Variants in KIF6 observed in about 807,000 individuals in gnomAD.
KIF6 encodes kinesin-like protein KIF6.
In KIF6, 106 loss-of-function variants were observed where a neutral mutation model predicts 112.7. The ratio of observed to expected loss-of-function variants is 0.94; its 90% confidence interval spans 0.80 to 1.11. The LOEUF is 1.11. Among genes scored for constraint, KIF6 ranks in the 50% least tolerant of loss-of-function variants. KIF6 has a pLI of 0.00. For missense variants in KIF6, 929 were observed against 964.0 expected (o/e 0.96, Z 0.48); for synonymous variants, 339 against 339.9 (o/e 1.00, Z 0.03).
At chr6:39,551,632 CATA>C (rs1463921441) in intron 10 of KIF6, among the ~76,000 whole-genome samples, 1 of 151,558 alleles carries the variant, frequency 6.6e-6, no homozygotes, top group Non-Finnish European at 1.5e-5. Flanking sequence ...AATATATATC[CATA>C]ATATTAAAAA....
At chr6:39,346,300 A>G (rs1581633443) in intron 20 of KIF6, 176 bp downstream of exon 20, 2 of 694,536 alleles carry the variant, frequency 2.9e-6, no homozygotes, top group East Asian at 2.7e-5. Context: ...CTAATCTCCA[A>G]TGTAATGGTA....
chr6:39,385,146 A>G (rs1213008433), intron 16 of KIF6, among the ~76,000 whole-genome samples: 1 of 152,206 alleles, frequency 6.6e-6, no homozygotes, highest in Non-Finnish European at 1.5e-5. Context: ...AAGGCACTGC[A>G]TCTCCCCCAT....
At chr6:39,509,594 C>T (rs1268847754) in intron 13 of KIF6, among the ~76,000 whole-genome samples, 6 of 152,140 alleles carry the variant, frequency 3.9e-5, no homozygotes, top group South Asian at 4.2e-4. Flanking sequence ...ACACAAGCTT[C>T]AATAGCTGAT....
intron 13 of KIF6, among the ~76,000 whole-genome samples, chr6:39,507,522 T>C (rs1480037134): frequency 6.6e-6 from 1 of 152,070 alleles, no homozygotes; most frequent in Non-Finnish European, 1.5e-5. Context: ...ATGGGACATA[T>C]GCAACCTGGG....
At chr6:39,688,530 G>A (rs1332338270) in intron 3 of KIF6, among the ~76,000 whole-genome samples, 1 of 151,634 alleles carries the variant, frequency 6.6e-6, no homozygotes, top group Non-Finnish European at 1.5e-5. Flanking sequence ...GATAGATATC[G>A]GCCAGGAACT....
intron 19 of KIF6, among the ~76,000 whole-genome samples, chr6:39,352,754 C>G (rs889459376): frequency 6.6e-6 from 1 of 152,084 alleles, no homozygotes; most frequent in Non-Finnish European, 1.5e-5. Flanking sequence ...CACGTGCATG[C>G]CAATATCCTT....
At chr6:39,571,744 C>T (rs1202663435) in intron 10 of KIF6, among the ~76,000 whole-genome samples, 4 of 152,176 alleles carry the variant, frequency 2.6e-5, no homozygotes, top group African/African-American at 9.7e-5. Flanking sequence ...CTGTCTAGTC[C>T]TATTCTTCAA....
intron 13 of KIF6, among the ~76,000 whole-genome samples, chr6:39,504,936 A>G (rs891154649): frequency 6.6e-6 from 1 of 152,236 alleles, no homozygotes; most frequent in African/African-American, 2.4e-5. Context: ...AAAGCAATTT[A>G]TAGATTCAAT....
chr6:39,411,580 G>A (rs1487808989), intron 15 of KIF6, among the ~76,000 whole-genome samples: 4 of 152,202 alleles, frequency 2.6e-5, no homozygotes, highest in Non-Finnish European at 4.4e-5. Flanking sequence ...TGTGTCTGGT[G>A]AAAGAGGTAT....
At chr6:39,431,329 C>A (rs754183347) in intron 13 of KIF6, 168 bp from the exon 14 acceptor site, 18 of 579,218 alleles carry the variant, frequency 3.1e-5, no homozygotes, top group Non-Finnish European at 5.3e-5. Context: ...TGACAACCTG[C>A]TGAGGAGGCC....
chr6:39,545,976 C>T (rs1016268994), intron 10 of KIF6, among the ~76,000 whole-genome samples: 1 of 152,108 alleles, frequency 6.6e-6, no homozygotes, highest in Admixed American at 6.5e-5. Flanking sequence ...TTTCTATGCC[C>T]CTGTGCCTGG....
intron 3 of KIF6, among the ~76,000 whole-genome samples, chr6:39,681,343 C>G (rs1787497054): frequency 6.6e-6 from 1 of 152,096 alleles, no homozygotes; most frequent in African/African-American, 2.4e-5. Flanking sequence ...ACTATAGGAA[C>G]TGTATTCTGT....
intron 14 of KIF6, among the ~76,000 whole-genome samples, chr6:39,424,264 T>A (rs926846893): frequency 5.9e-5 from 9 of 152,198 alleles, no homozygotes; most frequent in African/African-American, 2.2e-4. Flanking sequence ...CTCCTCTGGA[T>A]AGCATTCCAG....
intron 3 of KIF6, among the ~76,000 whole-genome samples, chr6:39,712,401 C>T (rs985997008): frequency 2.0e-5 from 3 of 151,630 alleles, no homozygotes; most frequent in Admixed American, 6.6e-5. Flanking sequence ...AGATAAAACC[C>T]ACCGGGACCA....
chr6:39,667,966 G>A (rs566326876), intron 3 of KIF6, among the ~76,000 whole-genome samples: 2 of 152,242 alleles, frequency 1.3e-5, no homozygotes, highest in East Asian at 3.9e-4. Context: ...GTGAGTTCTC[G>A]CTTTGAGTTC....
At chr6:39,359,613 C>T (rs925725872) in intron 18 of KIF6, among the ~76,000 whole-genome samples, 1 of 151,972 alleles carries the variant, frequency 6.6e-6, no homozygotes, top group African/African-American at 2.4e-5. Flanking sequence ...TGAGACAGGG[C>T]CTTGCTCAGT....
At chr6:39,645,977 G>A (rs1414269023) in intron 3 of KIF6, among the ~76,000 whole-genome samples, 1 of 151,904 alleles carries the variant, frequency 6.6e-6, no homozygotes, top group African/African-American at 2.4e-5. Context: ...TTGTTGGGTG[G>A]GGGCAGGGGG....
In KIF6 at chr6:39,359,377, T is replaced by C. The variant is rs188769955; in HGVS notation, c.2082+1018A>G. 2.6e-3 allele frequency among the ~76,000 whole-genome samples: 403 copies of C among 152,256 alleles called. 3 individuals are homozygous for C. The highest frequency in any genetic ancestry group is 3.8e-3 in the Non-Finnish European group (257 of 68,012). Reference sequence around the variant, plus strand: ...CTTCTAAGAATTTGTCTAGGAAATATGCAAAAAATTATCTGCAAATATGTT... The same window carrying C: ...CTTCTAAGAATTTGTCTAGGAAATACGCAAAAAATTATCTGCAAATATGTT... On this transcript the variant is annotated intron_variant, in intron 18 of 22. Coordinates refer to ENST00000287152, the MANE Select transcript of KIF6 (RefSeq NM_145027.6).
chr6:39,343,950 T>C lies in KIF6; in HGVS notation c.2322-135A>G. 1.8e-6 allele frequency: 1 copy of C among 565,500 alleles called. No homozygotes were observed. The highest frequency in any genetic ancestry group is 3.1e-6 in the Non-Finnish European group (1 of 319,932). The allele number at this position is 565,500 out of a possible 1,614,324, so 35.0% of individuals were successfully genotyped here. On this transcript the variant is annotated intron_variant, in intron 21 of 22. Coordinates refer to ENST00000287152, the MANE Select transcript of KIF6 (RefSeq NM_145027.6). The surrounding 1 kb of genome is among the most constrained non-coding windows in gnomAD (Gnocchi z 4.1). Reference sequence around the variant, plus strand: ...ATGACACGGCTGGCCTGCTTCTCACTCCCTCCTACCTTCTCTGTGTGGCAG... The same window carrying C: ...ATGACACGGCTGGCCTGCTTCTCACCCCCTCCTACCTTCTCTGTGTGGCAG...
Sources: allele counts gnomAD v4.1 joint callset (sites outside exome capture counted in the v4.1 genomes callset), GRCh38; gene constraint gnomAD v4.1.1; non-coding constraint Gnocchi (gnomAD v3.1); transcripts MANE v1.5; gene names NCBI Gene and HGNC (gene_info 2026-07-23, HGNC 2026-07-21).